The following PTPRG variants were observed in gnomAD, a reference collection of about 807,000 sequenced individuals.
PTPRG encodes protein tyrosine phosphatase receptor type G, also known as receptor-type tyrosine-protein phosphatase gamma.
A neutral mutation model predicts 165.3 loss-of-function variants in PTPRG; 102 were observed. The observed-to-expected ratio is 0.62, with a 90% CI of 0.53 to 0.73. PTPRG has a LOEUF of 0.73. Ranked by LOEUF, PTPRG falls within the 30% of genes least tolerant of loss-of-function variation. The probability of loss-of-function intolerance (pLI) is 0.00; values close to 1 mark genes in which losing one functional copy is unlikely to be tolerated. For missense variants in PTPRG, 1,866 were observed against 1,861.4 expected (o/e 1.00, Z -0.05); for synonymous variants, 675 against 669.5 (o/e 1.01, Z -0.13).
At chr3:61,824,881 A>G (rs1182716585) in intron 2 of PTPRG, among the ~76,000 whole-genome samples, 2 of 152,230 alleles carry the variant, frequency 1.3e-5, no homozygotes, top group African/African-American at 4.8e-5. Flanking sequence ...TTGATAAGTC[A>G]TACAAAGTCC....
intron 18 of PTPRG, 39 bp downstream of exon 18, chr3:62,267,531 T>G: frequency 6.4e-7 from 1 of 1,562,012 alleles, no homozygotes; most frequent in South Asian, 1.1e-5. Context: ...TTTCTAGAAA[T>G]TGAAGACTGC....
chr3:62,237,297 T>C lies in PTPRG; in HGVS notation c.2375+5986T>C, dbSNP rs1701055351. The stretch of plus-strand genomic sequence containing the variant: ...GGGGTCAGAAGTCTAGAGGTTTTTT[T>C]GTTTGTTTGTTTTGGTTATTTTGCT... On this transcript the variant is annotated intron_variant, in intron 14 of 29. Transcript: ENST00000474889. This position sits in a 1 kb window ranked among gnomAD's most constrained non-coding sequence, Gnocchi z 4.5. Among the ~76,000 whole-genome samples the C allele has an allele frequency of 6.6e-6, 1 of 152,136 alleles. No homozygotes were observed. The highest frequency in any genetic ancestry group is 1.5e-5 in the Non-Finnish European group (1 of 68,012).
intron 2 of PTPRG, among the ~76,000 whole-genome samples, chr3:61,921,001 T>C (rs1019247767): frequency 3.9e-5 from 6 of 152,154 alleles, no homozygotes; most frequent in Admixed American, 3.3e-4. Flanking sequence ...AATCTTGGCT[T>C]ATAATAGTTA....
In PTPRG at chr3:62,069,682, T is replaced by TCACACA. The variant is rs1315675844; in HGVS notation, c.520-8480_520-8479insACACAC. On this transcript the variant is annotated intron_variant, in intron 4 of 29. Transcript: ENST00000474889. ...CTCTCTCTCTCTCTCTCTCTCTCTCTCTCACACACAGACACACGCACACAC... is the reference window on the plus strand; with the variant it reads ...CTCTCTCTCTCTCTCTCTCTCTCTCTCACACACTCACACACAGACACACGCACACAC... 9.2e-4 allele frequency among the ~76,000 whole-genome samples: 133 copies of TCACACA among 144,244 alleles called. 1 individual carries two copies. Among genetic ancestry groups the TCACACA allele is most frequent in the Admixed American group, 2.8e-3 (41 of 14,410 alleles). 94.6% of individuals were successfully genotyped at this position (144,244 alleles called of 152,430 possible).
At chr3:61,625,521 C>G (rs536819881) in intron 1 of PTPRG, among the ~76,000 whole-genome samples, 50 of 152,264 alleles carry the variant, frequency 3.3e-4, no homozygotes, top group Non-Finnish European at 6.3e-4. Context: ...TCTTAGGACG[C>G]TCTTCGATTT....
At chr3:62,023,803 G>A (rs981655993) in intron 4 of PTPRG, among the ~76,000 whole-genome samples, 4 of 152,126 alleles carry the variant, frequency 2.6e-5, no homozygotes, top group African/African-American at 7.2e-5. Flanking sequence ...AGTTGTGGCA[G>A]TGTTTTGGAA....
At chr3:61,719,247 T>C (rs955937827) in intron 1 of PTPRG, among the ~76,000 whole-genome samples, 1 of 152,216 alleles carries the variant, frequency 6.6e-6, no homozygotes, top group African/African-American at 2.4e-5. Context: ...TGACTTGTAT[T>C]TTCTATGAAG....
chr3:61,607,220 GT>G (rs1701036095), intron 1 of PTPRG, among the ~76,000 whole-genome samples: 1 of 152,198 alleles, frequency 6.6e-6, no homozygotes, highest in South Asian at 2.1e-4. Context: ...CCTTGACACT[GT>G]AGTGGTATGG....
rs918977808 is a variant in PTPRG at position 62,144,220 on chromosome 3, C to T, written c.682+11552C>T. Among the ~76,000 whole-genome samples the T allele has an allele frequency of 5.3e-5, 8 of 152,162 alleles. 1 individual carries two copies. Among genetic ancestry groups the T allele is most frequent in the South Asian group, 2.1e-4 (1 of 4,826 alleles). On this transcript the variant is annotated intron_variant, in intron 6 of 29. Coordinates refer to ENST00000474889, the MANE Select transcript of PTPRG (RefSeq NM_002841.4). ...GTTTGTCAATCCTACCTCATCTAAACGGTAGCTATTGTAGTAGCTCTACTA... is the reference window on the plus strand; with the variant it reads ...GTTTGTCAATCCTACCTCATCTAAATGGTAGCTATTGTAGTAGCTCTACTA...
At chr3:62,243,354 A>G (rs1701207861) in intron 14 of PTPRG, among the ~76,000 whole-genome samples, 1 of 152,098 alleles carries the variant, frequency 6.6e-6, no homozygotes, top group African/African-American at 2.4e-5. Flanking sequence ...TGCATGAACA[A>G]TGTGGTGCTA....
At position 62,294,217 on chromosome 3, in the gene PTPRG, G is replaced by A. The variant is rs1017539901; in HGVS notation, c.*910G>A. 1.3e-5 allele frequency: 2 copies of A among 152,060 alleles called. No individual in the cohort carries two copies. The highest frequency in any genetic ancestry group is 4.8e-5 in the African/African-American group (2 of 41,428). 9.4% of individuals were successfully genotyped at this position (152,060 alleles called of 1,614,324 possible). A position where few individuals can be genotyped will look rare whatever the true frequency, so the allele number is the denominator to read the frequency against. On this transcript the variant is annotated 3_prime_UTR_variant, in exon 30 of 30. Transcript: ENST00000474889. ...AGTAGGTAGAAGAATGAAAACTTCT[G>A]CAGGTGTGTAATTTTGAAACTAGTC...
At chr3:61,747,252 A>T (rs987258369) in intron 1 of PTPRG, among the ~76,000 whole-genome samples, 1 of 152,224 alleles carries the variant, frequency 6.6e-6, no homozygotes, top group Non-Finnish European at 1.5e-5. Context: ...CAGTCAAGGA[A>T]ATTGAGGCTC....
chr3:62,182,533 C>T (rs1171794767), intron 8 of PTPRG, among the ~76,000 whole-genome samples: 5 of 152,220 alleles, frequency 3.3e-5, no homozygotes, highest in Admixed American at 3.3e-4. Context: ...GATGTGTGTT[C>T]TCCCACTGGG....
At chr3:62,261,185 C>T (rs1021910384) in intron 16 of PTPRG, 2 of 152,188 alleles carry the variant, frequency 1.3e-5, no homozygotes, top group African/African-American at 2.4e-5. Context: ...GATACCTGAA[C>T]AACTCAACCC....
chr3:61,732,359 C>G (rs746642143), intron 1 of PTPRG, among the ~76,000 whole-genome samples: 1 of 152,048 alleles, frequency 6.6e-6, no homozygotes, highest in African/African-American at 2.4e-5. Flanking sequence ...GGGCGGATCA[C>G]GAGGTCAGGA....
chr3:62,000,009 C>G lies in PTPRG; in HGVS notation c.371-3340C>G, dbSNP rs186079123. 5.1e-3 allele frequency among the ~76,000 whole-genome samples: 769 copies of G among 152,192 alleles called. 8 individuals are homozygous for G. Among genetic ancestry groups the G allele is most frequent in the African/African-American group, 0.015 (609 of 41,534 alleles). On this transcript the variant is annotated intron_variant, in intron 3 of 29. Coordinates refer to ENST00000474889, the MANE Select transcript of PTPRG (RefSeq NM_002841.4). ...TCTACTCAATACTTAAGATCTCCCC[C>G]CCAGGCCCGGGCTGGGCACAGTGAC...
chr3:61,568,769 A>G (rs747971693), intron 1 of PTPRG, among the ~76,000 whole-genome samples: 4 of 152,026 alleles, frequency 2.6e-5, no homozygotes, highest in Non-Finnish European at 5.9e-5. Flanking sequence ...TTAGCTGGGC[A>G]TGGTGGTGCA....
At chr3:61,828,246 G>C (rs1373207302) in intron 2 of PTPRG, among the ~76,000 whole-genome samples, 1 of 152,226 alleles carries the variant, frequency 6.6e-6, no homozygotes, top group African/African-American at 2.4e-5. Flanking sequence ...TCCTAGGCTA[G>C]CAAAGGAGTA....
chr3:62,234,166 T>G (rs1022268295), intron 14 of PTPRG, among the ~76,000 whole-genome samples: 2 of 152,232 alleles, frequency 1.3e-5, no homozygotes, highest in South Asian at 4.1e-4. Flanking sequence ...TATAATTTCC[T>G]CATCCTTTTA....
Sources: allele counts gnomAD v4.1 joint callset (sites outside exome capture counted in the v4.1 genomes callset), GRCh38; gene constraint gnomAD v4.1.1; non-coding constraint Gnocchi (gnomAD v3.1); transcripts MANE v1.5; gene names NCBI Gene and HGNC (gene_info 2026-07-23, HGNC 2026-07-21).